Variants in SPTAN1 observed in about 807,000 individuals in gnomAD.
SPTAN1 encodes the protein spectrin alpha chain, non-erythrocytic 1.
In SPTAN1, 61 loss-of-function variants were observed where a neutral mutation model predicts 331.3. That is an observed-to-expected ratio of 0.18 (90% CI 0.15 to 0.23). The LOEUF is 0.23. SPTAN1 is among the 10% of genes least tolerant of loss of function. SPTAN1 has a pLI of 1.00. For synonymous variants in SPTAN1, 1,153 were observed against 1,173.9 expected, an observed-to-expected ratio of 0.98 and a Z score of 0.36; for missense variants, 2,043 against 3,147.9, an observed-to-expected ratio of 0.65 and a Z score of 8.40.
At chr9:128,622,010 C>T (rs139457682) in intron 45 of SPTAN1, 1 of 153,230 alleles carries the variant, frequency 6.5e-6, no homozygotes, top group African/African-American at 2.4e-5. Context: ...TAAGATTTCT[C>T]ATCACAGAGG....
rs1330882902 is a variant in SPTAN1, at chr9:128,562,969, AAAATATATATATACATGTATGTGTATAT to A, written c.-3-3767_-3-3740del. ...GACAGAGTGAGACTCCGTCTAAAAA[AAAATATATATATACATGTATGTGTATAT>A]ATATATATATATATATATATATATA... On this transcript the variant is annotated intron_variant, in intron 1 of 56. Transcript: ENST00000372739. Among the ~76,000 whole-genome samples, 215 of 130,166 alleles carry A rather than the reference AAAATATATATATACATGTATGTGTATAT, an allele frequency of 1.7e-3. 1 individual carries two copies. Among genetic ancestry groups the A allele is most frequent in the African/African-American group, 5.0e-3 (175 of 34,716 alleles). 85.4% of individuals were successfully genotyped at this position (130,166 alleles called of 152,430 possible).
rs1856647848 is a variant in SPTAN1 at position 128,612,241 on chromosome 9, T to G, written c.5038T>G (p.Ser1680Ala). 1 of 1,614,180 alleles carries G rather than the reference T, an allele frequency of 6.2e-7. No individual in the cohort carries two copies. Reference sequence around the variant, plus strand: ...GATCAAGGACTTTGACTTCTGGCTGTCTGAGGTAACACTGAGTGGTTCCTC... The same window carrying G: ...GATCAAGGACTTTGACTTCTGGCTGGCTGAGGTAACACTGAGTGGTTCCTC... ...TGIKDFDFWL[S>A]EVEALLASED... is the part of the protein sequence containing the mutation. The change falls in exon 39 of 57, where the codon TCT becomes GCT. Residue 1680 changes from serine to alanine, a missense_variant. Physicochemically the swap from Ser to Ala is moderately conservative, Grantham distance 99 (BLOSUM62 1). This residue lies in a region of SPTAN1 where 323 missense variants were observed against 581.1 expected (regional missense o/e 0.56). Coordinates refer to ENST00000372739, the MANE Select transcript of SPTAN1 (RefSeq NM_001130438.3).
chr9:128,578,162 A>G lies in SPTAN1; in HGVS notation c.1138A>G (p.Met380Val). Residue 380 changes from methionine (M) to valine (V), a missense_variant, in exon 9 of 57, where the codon ATG becomes GTG. Coordinates refer to ENST00000372739, the MANE Select transcript of SPTAN1 (RefSeq NM_001130438.3). ...TGACCTCACCAGCTGGGTGACTGAG[A>G]TGAAAGCCCTCATCAATGCAGATGA... ...FRDLTSWVTE[M>V]KALINADELA... 1 of 1,614,196 alleles carries G rather than the reference A, an allele frequency of 6.2e-7. No homozygotes were observed. Among genetic ancestry groups the G allele is most frequent in the Non-Finnish European group, 8.5e-7 (1 of 1,180,044 alleles).
chr9:128,583,788 G>C lies in SPTAN1; in HGVS notation c.2012G>C (p.Gly671Ala), dbSNP rs1444253650. 6.2e-7 allele frequency: 1 copy of C among 1,614,184 alleles called. No homozygotes were observed. Among genetic ancestry groups the C allele is most frequent in the Non-Finnish European group, 8.5e-7 (1 of 1,180,034 alleles). Residue 671 changes from glycine to alanine, a missense_variant and splice_region_variant, in exon 16 of 57, where the codon GGA becomes GCA. Gly to Ala is a moderately conservative substitution (Grantham distance 60). Coordinates refer to ENST00000372739, the MANE Select transcript of SPTAN1 (RefSeq NM_001130438.3). Reference protein sequence around the residue: ...KKLLEATELKGIKLREANQQQ... With the variant: ...KKLLEATELKAIKLREANQQQ... ...AAATTAAACTTGTTTTCTTCCATAG[G>C]AATAAAGCTTCGTGAAGCCAACCAG...
rs144725581 is a variant in SPTAN1 at position 128,626,699 on chromosome 9, G to A, written c.6576+12G>A. The A allele has an allele frequency of 6.9e-5, 110 of 1,596,822 alleles. No homozygotes were observed. In the East Asian group the frequency reaches 1.5e-3, roughly 22 times the overall value. On this transcript the variant is annotated intron_variant, in intron 49 of 56. Coordinates refer to ENST00000372739, the MANE Select transcript of SPTAN1 (RefSeq NM_001130438.3). ...AGAAAATCATCAAGGTACACCTCCC[G>A]CTGCCCTCAGGAGCTGCTCGGCCTC... is the stretch of plus-strand genomic sequence containing the variant.
chr9:128,609,437 C>A, intron 36 of SPTAN1, 153 bp downstream of exon 36: 1 of 1,253,556 alleles, frequency 8.0e-7, no homozygotes. Flanking sequence ...AAGCCCTAGT[C>A]AAGTTTCAGA....
chr9:128,625,733 G>A lies in SPTAN1; in HGVS notation c.6070-36G>A. 6.2e-7 allele frequency: 1 copy of A among 1,602,688 alleles called. No homozygotes were observed. The highest frequency in any genetic ancestry group is 8.5e-7 in the Non-Finnish European group (1 of 1,171,422). ...AGGAAGAGCAAGTTCCAGTCCTGTG[G>A]AGTCACCACAAATTGGCTTGTCACT... On this transcript the variant is annotated intron_variant, in intron 47 of 56. Transcript: ENST00000372739. The surrounding 1 kb of genome is among the most constrained non-coding windows in gnomAD (Gnocchi z 4.1).
At chr9:128,581,608 A>G (rs369480626) in intron 11 of SPTAN1, among the ~76,000 whole-genome samples, 174 bp from the exon 12 acceptor site, 24 of 152,210 alleles carry the variant, frequency 1.6e-4, no homozygotes, top group African/African-American at 5.8e-4. Flanking sequence ...GGCTGGATTG[A>G]TTTTAAGAAA....
At chr9:128,628,075 C>T (rs957458739) in intron 51 of SPTAN1, 133 bp downstream of exon 51, 10 of 1,090,598 alleles carry the variant, frequency 9.2e-6, no homozygotes, top group African/African-American at 4.6e-5. Context: ...CCCTCCCACC[C>T]TTCTCGTCAC....
chr9:128,563,715 C>CT (rs532597370), intron 1 of SPTAN1, among the ~76,000 whole-genome samples: 2,944 of 133,514 alleles, frequency 0.022, 52 homozygotes, highest in African/African-American at 0.053. Flanking sequence ...TCAACCATTT[C>CT]TTTTTTTTTT....
chr9:128,621,373 G>T (rs1431767137), intron 45 of SPTAN1, 117 bp downstream of exon 45: 3 of 801,884 alleles, frequency 3.7e-6, no homozygotes, highest in Non-Finnish European at 6.4e-6. Flanking sequence ...GGTCTGCGTG[G>T]AGACCAGCAG....
chr9:128,571,708 A>C (rs961206840), intron 3 of SPTAN1, among the ~76,000 whole-genome samples: 6 of 152,222 alleles, frequency 3.9e-5, no homozygotes, highest in Non-Finnish European at 8.8e-5. Flanking sequence ...TAAGTGTGCA[A>C]GGTGGCCATT....
chr9:128,599,143 C>CTT (rs559182169), intron 26 of SPTAN1, 157 bp downstream of exon 26: 1 of 793,136 alleles, frequency 1.3e-6, no homozygotes, highest in Non-Finnish European at 2.2e-6. Flanking sequence ...AAATTGATTT[C>CTT]TTTTTTTTTG....
At position 128,621,312 on chromosome 9, in the gene SPTAN1, G is replaced by T. The variant is rs181397898; in HGVS notation, c.5832+56G>T. 4,501 of 1,488,588 alleles carry T rather than the reference G, an allele frequency of 3.0e-3. 12 individuals carry two copies. Among genetic ancestry groups the T allele is most frequent in the Non-Finnish European group, 3.8e-3 (4,075 of 1,073,162 alleles). 92.2% of individuals were successfully genotyped at this position (1,488,588 alleles called of 1,614,324 possible). Reference sequence around the variant, plus strand: ...CGCCCACTGGGACACCCACGTGTTGGTACCACAGAGGTCCCCCAAAGTTCA... The same window carrying T: ...CGCCCACTGGGACACCCACGTGTTGTTACCACAGAGGTCCCCCAAAGTTCA... On this transcript the variant is annotated intron_variant, in intron 45 of 56. Transcript: ENST00000372739.
Position 128,582,753 on chromosome 9 carries a change from C to G in SPTAN1, c.1710C>G (p.Ala570=). Residue 570 remains alanine, a synonymous_variant, in exon 14 of 57, where the codon GCC becomes GCG. Coordinates refer to ENST00000372739, the MANE Select transcript of SPTAN1 (RefSeq NM_001130438.3). ...CCATGCGTCGCCGGGCCCAGCTAGC[C>G]GATTCTTTCCATCTGCAGCAGTTTT... The part of the protein sequence containing the change: ...ERAMRRRAQL[A]DSFHLQQFFR... The G allele has an allele frequency of 1.9e-6, 3 of 1,614,020 alleles. No individual in the cohort carries two copies. The highest frequency in any genetic ancestry group is 3.3e-4 in the Middle Eastern group (2 of 6,012).
At chr9:128,621,071 A>G (rs1165058356) in intron 44 of SPTAN1, 87 bp from the exon 45 acceptor site, 4 of 1,036,420 alleles carry the variant, frequency 3.9e-6, no homozygotes, top group Non-Finnish European at 4.6e-6. Flanking sequence ...CAGGGACCAT[A>G]GCAGTTTTGT....
rs4240431 is a variant in SPTAN1 at position 128,584,200 on chromosome 9, A to G, written c.2194-82A>G. 1,596,015 of 1,604,480 alleles carry G rather than the reference A, an allele frequency of 0.99. 794,168 individuals carry two copies. The highest frequency in any genetic ancestry group is 1 in the East Asian group (44,852 of 44,852). On this transcript the variant is annotated intron_variant, in intron 16 of 56. Coordinates refer to ENST00000372739, the MANE Select transcript of SPTAN1 (RefSeq NM_001130438.3). Reference sequence around the variant, plus strand: ...GCAGAAAGAATCCTCTCAGGAATGGAAAAAAGACCTTATCAATTTTTCTCT... The same window carrying G: ...GCAGAAAGAATCCTCTCAGGAATGGGAAAAAGACCTTATCAATTTTTCTCT...
At chr9:128,591,092 C>T (rs192569008) in intron 21 of SPTAN1, among the ~76,000 whole-genome samples, 4 of 151,718 alleles carry the variant, frequency 2.6e-5, no homozygotes, top group African/African-American at 4.8e-5. Flanking sequence ...GACAGAGTCT[C>T]GCTCTGACGC....
At chr9:128,553,829 A>G (rs1156749265) in intron 1 of SPTAN1, among the ~76,000 whole-genome samples, 1 of 152,172 alleles carries the variant, frequency 6.6e-6, no homozygotes, top group African/African-American at 2.4e-5. Flanking sequence ...GAGAGGCCAT[A>G]TGAAGTATTT....
Sources: gnomAD v4.1 joint callset for allele counts (sites outside exome capture counted in the v4.1 genomes callset) on GRCh38, gnomAD v4.1.1 for gene constraint, gnomAD v4.1.1 regional missense constraint, Gnocchi (gnomAD v3.1) non-coding constraint, MANE v1.5 for transcripts, NCBI Gene and HGNC (gene_info 2026-07-23, HGNC 2026-07-21) for gene names.